PHACTR1: variants seen among roughly 807,000 people sequenced by gnomAD.
PHACTR1 encodes RPEL repeat containing 1.
A neutral mutation model predicts 69.2 loss-of-function variants in PHACTR1; 16 were observed. That is an observed-to-expected ratio of 0.23 (90% confidence interval 0.16 to 0.35). The LOEUF is 0.35. PHACTR1 is among the 10% of genes least tolerant of loss of function. PHACTR1 has a pLI of 1.00. For missense variants in PHACTR1, 510 were observed against 734.7 expected, an observed-to-expected ratio of 0.69 and a Z score of 3.54; for synonymous variants, 312 against 284.5, an observed-to-expected ratio of 1.10 and a Z score of -0.97.
intron 4 of PHACTR1, among the ~76,000 whole-genome samples, chr6:12,921,510 A>G (rs1787659080): frequency 7.9e-6 from 1 of 127,348 alleles, no homozygotes; most frequent in African/African-American, 2.9e-5. Context: ...GAAAGAAGGA[A>G]GGAAGGAAGG....
rs536983599 is a variant in PHACTR1 at position 13,278,701 on chromosome 6, T to C, written c.1509+372T>C. Among the ~76,000 whole-genome samples, 8 of 152,338 alleles carry C rather than the reference T, an allele frequency of 5.3e-5. No individual in the cohort carries two copies. The South Asian group carries it at 1.7e-3, about 32-fold the overall frequency. On this transcript the variant is annotated intron_variant, in intron 12 of 14. Coordinates refer to ENST00000332995, the MANE Select transcript of PHACTR1 (RefSeq NM_030948.6). The stretch of plus-strand genomic sequence containing the variant: ...GGCCAGGTTCAGTGGTTCATGCCTA[T>C]AAACCCAGCACTTTGGGAGGCCAAG...
chr6:12,811,737 G>A (rs1775036088), intron 4 of PHACTR1, among the ~76,000 whole-genome samples: 1 of 152,038 alleles, frequency 6.6e-6, no homozygotes, highest in Middle Eastern at 3.2e-3. Flanking sequence ...TCTGGTCTGG[G>A]CCTGTCTTCA....
chr6:12,884,884 C>T (rs1382122995), intron 4 of PHACTR1, among the ~76,000 whole-genome samples: 2 of 152,118 alleles, frequency 1.3e-5, no homozygotes, highest in African/African-American at 4.8e-5. Flanking sequence ...TTGAAAAAGA[C>T]TAATCATAAA....
At chr6:13,109,016 T>G (rs7749076) in intron 5 of PHACTR1, among the ~76,000 whole-genome samples, 2,367 of 152,150 alleles carry the variant, frequency 0.016, 51 homozygotes, top group African/African-American at 0.051. Flanking sequence ...TACATTCATC[T>G]TAATTTTATC....
chr6:13,059,920 T>C (rs1176504182), intron 5 of PHACTR1, among the ~76,000 whole-genome samples: 1 of 151,964 alleles, frequency 6.6e-6, no homozygotes, highest in East Asian at 1.9e-4. Context: ...GAGTGATGAC[T>C]AGATGTAAGA....
chr6:13,184,791 C>T (rs1483177434), intron 7 of PHACTR1: 3 of 1,366,060 alleles, frequency 2.2e-6, no homozygotes, highest in South Asian at 2.3e-5. Flanking sequence ...ATGTGGTTGT[C>T]CCCTCAGTGT....
chr6:13,274,820 T>G (rs1479210681), intron 11 of PHACTR1: 1 of 152,216 alleles, frequency 6.6e-6, no homozygotes, highest in Non-Finnish European at 1.5e-5. Flanking sequence ...GGTTCTCTTT[T>G]ATTCTCTTCC....
intron 4 of PHACTR1, among the ~76,000 whole-genome samples, chr6:12,921,744 G>A (rs1787710739): frequency 7.3e-6 from 1 of 136,786 alleles, no homozygotes; most frequent in Non-Finnish European, 1.6e-5. Flanking sequence ...AGGGAGGGAG[G>A]AGGAAAGGAA....
At chr6:12,972,313 G>A (rs558646985) in intron 4 of PHACTR1, among the ~76,000 whole-genome samples, 7 of 152,296 alleles carry the variant, frequency 4.6e-5, no homozygotes, top group Admixed American at 6.5e-5. Context: ...GTGAATTCAC[G>A]TGCATAGCAT....
intron 8 of PHACTR1, among the ~76,000 whole-genome samples, chr6:13,219,349 G>A (rs555890192): frequency 2.6e-5 from 4 of 152,288 alleles, no homozygotes; most frequent in South Asian, 2.1e-4. Flanking sequence ...TAGTGGGAGC[G>A]ACAGGTAATA....
intron 4 of PHACTR1, among the ~76,000 whole-genome samples, chr6:12,986,585 T>C (rs1796220560): frequency 6.6e-6 from 1 of 152,166 alleles, no homozygotes; most frequent in Admixed American, 6.5e-5. Context: ...AAGAAAGGGA[T>C]GGATAAAACA....
intron 4 of PHACTR1, among the ~76,000 whole-genome samples, chr6:12,809,636 C>G (rs1280105209): frequency 6.6e-6 from 1 of 152,134 alleles, no homozygotes; most frequent in Non-Finnish European, 1.5e-5. Flanking sequence ...ATAAAAAATT[C>G]TATTTACTTC....
intron 3 of PHACTR1, among the ~76,000 whole-genome samples, chr6:12,746,214 A>G (rs1765765827): frequency 6.6e-6 from 1 of 152,240 alleles, no homozygotes; most frequent in South Asian, 2.1e-4. Context: ...GAAATGGAAG[A>G]TAACAATTAG....
At chr6:13,206,586 A>T (rs558801387) in intron 8 of PHACTR1, among the ~76,000 whole-genome samples, 2 of 152,382 alleles carry the variant, frequency 1.3e-5, no homozygotes, top group East Asian at 3.9e-4. Flanking sequence ...TTAAACATTG[A>T]AATAAATGTG....
intron 6 of PHACTR1, among the ~76,000 whole-genome samples, chr6:13,173,297 ATCAAG>A (rs1760860782): frequency 6.6e-6 from 1 of 152,262 alleles, no homozygotes; most frequent in Non-Finnish European, 1.5e-5. Flanking sequence ...AAGTAAGACT[ATCAAG>A]TCTTTTTAAA....
intron 10 of PHACTR1, among the ~76,000 whole-genome samples, chr6:13,264,515 T>A (rs1776337640): frequency 6.6e-6 from 1 of 151,798 alleles, no homozygotes; most frequent in Non-Finnish European, 1.5e-5. Context: ...AGGTCAGGAG[T>A]TCGAGACCAG....
chr6:13,053,490 A>G lies in PHACTR1; in HGVS notation c.376A>G (p.Arg126Gly). The change falls in exon 5 of 15, where the codon AGG becomes GGG. Residue 126 changes from arginine (R) to glycine (G), a missense_variant. Coordinates refer to ENST00000332995, the MANE Select transcript of PHACTR1 (RefSeq NM_030948.6). ...LGRIFKPWKW[R>G]KKKSEKFKHT... ...AAGGATTTTCAAGCCTTGGAAATGG[A>G]GGAAGAAGAAAAGCGAAAAGTTCAA... The G allele has an allele frequency of 6.2e-7, 1 of 1,613,886 alleles. No homozygotes were observed. Among genetic ancestry groups the G allele is most frequent in the South Asian group, 1.1e-5 (1 of 91,038 alleles).
chr6:13,227,675 A>G, intron 8 of PHACTR1, 141 bp from the exon 9 acceptor site: 2 of 1,121,498 alleles, frequency 1.8e-6, no homozygotes, highest in Non-Finnish European at 2.5e-6. Context: ...GATTCCCTGT[A>G]AGATGAGCAA....
intron 5 of PHACTR1, among the ~76,000 whole-genome samples, chr6:13,140,201 C>T (rs1167961491): frequency 8.4e-6 from 1 of 118,986 alleles, no homozygotes; most frequent in Non-Finnish European, 1.9e-5. Context: ...CAAAATGGTG[C>T]AGCTGCTCTG....
Sources: gnomAD v4.1 joint callset for allele counts (sites outside exome capture counted in the v4.1 genomes callset) on GRCh38, gnomAD v4.1.1 for gene constraint, MANE v1.5 for transcripts, NCBI Gene and HGNC (gene_info 2026-07-23, HGNC 2026-07-21) for gene names.